The following PDGFRB variants were observed in gnomAD, a reference collection of about 807,000 sequenced individuals.
The protein encoded by PDGFRB is platelet derived growth factor receptor beta.
A neutral mutation model predicts 120.2 loss-of-function variants in PDGFRB; 42 were observed. The ratio of observed to expected loss-of-function variants is 0.35; its 90% CI spans 0.27 to 0.45. The LOEUF (loss-of-function observed/expected upper bound fraction) is 0.45. Ranked by LOEUF, PDGFRB falls within the 20% of genes least tolerant of loss-of-function variation. The pLI, the probability that PDGFRB is intolerant of heterozygous loss-of-function variation, is 1.00. For synonymous variants in PDGFRB, 586 were observed against 606.8 expected, an observed-to-expected ratio of 0.97 and a Z score of 0.50; for missense variants, 1,149 against 1,476.3, an observed-to-expected ratio of 0.78 and a Z score of 3.63.
intron 1 of PDGFRB, among the ~76,000 whole-genome samples, chr5:150,146,411 C>T (rs1281790604): frequency 6.6e-6 from 1 of 152,172 alleles, no homozygotes; most frequent in Non-Finnish European, 1.5e-5. Context: ...GAGGGGGGTA[C>T]ACTCATTATT....
At chr5:150,145,619 G>T (rs1387648528) in intron 1 of PDGFRB, among the ~76,000 whole-genome samples, 7 of 152,250 alleles carry the variant, frequency 4.6e-5, no homozygotes, top group African/African-American at 1.7e-4. Flanking sequence ...TGGGCAGACA[G>T]GCTCCAGAGC....
intron 1 of PDGFRB, among the ~76,000 whole-genome samples, chr5:150,144,050 C>T (rs897656027): frequency 9.1e-4 from 138 of 152,212 alleles, no homozygotes; most frequent in African/African-American, 3.3e-3. Flanking sequence ...TGGGGCCTGG[C>T]GTGTGCTCCC....
chr5:150,129,533 C>A (rs963469271), intron 10 of PDGFRB, among the ~76,000 whole-genome samples: 5 of 152,218 alleles, frequency 3.3e-5, no homozygotes, highest in African/African-American at 1.2e-4. Flanking sequence ...GAAGGATATT[C>A]ATATCCATGG....
chr5:150,143,612 G>C (rs1760839416), intron 1 of PDGFRB, among the ~76,000 whole-genome samples: 1 of 152,200 alleles, frequency 6.6e-6, no homozygotes, highest in East Asian at 1.9e-4. Flanking sequence ...CACAGCCTGG[G>C]CCTGGCGGCA....
Position 150,121,351 on chromosome 5 carries a change from A to G in PDGFRB, c.2345-29T>C, listed in dbSNP as rs778576133. 11 of 977,838 alleles carry G rather than the reference A, an allele frequency of 1.1e-5. No individual in the cohort carries two copies. The highest frequency in any genetic ancestry group is 1.3e-5 in the Non-Finnish European group (8 of 598,434). 60.6% of individuals were successfully genotyped at this position (977,838 alleles called of 1,614,324 possible). A position where few individuals can be genotyped will look rare whatever the true frequency, so the allele number is the denominator to read the frequency against. On this transcript the variant is annotated intron_variant, in intron 16 of 22. Transcript: ENST00000261799. This position sits in a 1 kb window ranked among gnomAD's most constrained non-coding sequence, Gnocchi z 4.1. ...GAGGAGAAGCAGAGGGTCACCTGCTATCTTATATCTCCTTCTGGCCCACAG... is the reference window on the plus strand; with the variant it reads ...GAGGAGAAGCAGAGGGTCACCTGCTGTCTTATATCTCCTTCTGGCCCACAG...
At chr5:150,118,640 A>C in intron 21 of PDGFRB, 107 bp downstream of exon 21, 1 of 761,046 alleles carries the variant, frequency 1.3e-6, no homozygotes, top group Non-Finnish European at 2.4e-6. Context: ...CAGAGAGGAC[A>C]AAGGGTGGTC....
In PDGFRB at chr5:150,130,676, G is replaced by A. The variant is rs763556406; in HGVS notation, c.1244-14C>T. Reference sequence around the variant, plus strand: ...CTCGGACAGGGACTGCATGGAGAGAGCACTGAGTTAGGAGGCGGGAGGGTC... The same window carrying A: ...CTCGGACAGGGACTGCATGGAGAGAACACTGAGTTAGGAGGCGGGAGGGTC... On this transcript the variant is annotated splice_polypyrimidine_tract_variant and intron_variant, in intron 8 of 22. Transcript: ENST00000261799. 2 of 1,612,436 alleles carry A rather than the reference G, an allele frequency of 1.2e-6. No individual in the cohort carries two copies. Among genetic ancestry groups the A allele is most frequent in the Non-Finnish European group, 1.7e-6 (2 of 1,179,614 alleles).
intron 22 of PDGFRB, 40 bp downstream of exon 22, chr5:150,117,578 A>C: frequency 9.3e-7 from 1 of 1,071,274 alleles, no homozygotes; most frequent in Non-Finnish European, 1.4e-6. Flanking sequence ...ACACACACAC[A>C]CTGTGCACAA....
In PDGFRB at chr5:150,129,839, G is replaced by C; in HGVS notation, c.1497C>G (p.His499Gln). ...AGCGCACCGACAGTGGCCGATCCAC[G>C]TGCTGCAGACGCAGTGTGCTCACCA... Reference protein sequence around the residue: ...FEVVSTLRLQHVDRPLSVRCT... With the variant: ...FEVVSTLRLQQVDRPLSVRCT... Residue 499 changes from histidine to glutamine, a missense_variant, in exon 10 of 23, where the codon CAC becomes CAG. This residue lies in a region of PDGFRB where 879 missense variants were observed against 1,108.6 expected (regional missense o/e 0.79). Transcript: ENST00000261799. 6.2e-7 allele frequency: 1 copy of C among 1,614,124 alleles called. No homozygotes were observed. Among genetic ancestry groups the C allele is most frequent in the Non-Finnish European group, 8.5e-7 (1 of 1,180,014 alleles).
At position 150,117,642 on chromosome 5, in the gene PDGFRB, A is replaced by G. The variant is rs1357545765; in HGVS notation, c.3113T>C (p.Leu1038Pro). Residue 1038 changes from leucine to proline, a missense_variant, in exon 22 of 23, where the codon CTG becomes CCG. Leu to Pro is a moderately conservative substitution (Grantham distance 98, BLOSUM62 -3). Around this residue, in one of 3 missense-constraint regions of PDGFRB, gnomAD observed 202 missense variants for 214.3 expected, o/e 0.94. Coordinates refer to ENST00000261799, the MANE Select transcript of PDGFRB (RefSeq NM_002609.4). ...PKPEVADEGP[L>P]EGSPSLASST... ...CCTGGCTAGGCTGGGGGAACCCTCCAGTGGGCCCTCGTCAGCAACCTCGGG... is the reference window on the plus strand; with the variant it reads ...CCTGGCTAGGCTGGGGGAACCCTCCGGTGGGCCCTCGTCAGCAACCTCGGG... 1.2e-6 allele frequency: 2 copies of G among 1,611,408 alleles called. No homozygotes were observed. The highest frequency in any genetic ancestry group is 1.7e-6 in the Non-Finnish European group (2 of 1,178,322).
chr5:150,147,092 A>T (rs1760944419), intron 1 of PDGFRB, among the ~76,000 whole-genome samples: 1 of 152,160 alleles, frequency 6.6e-6, no homozygotes, highest in Non-Finnish European at 1.5e-5. Context: ...TACAGCATCC[A>T]GGCAATCAGC....
intron 11 of PDGFRB, among the ~76,000 whole-genome samples, chr5:150,126,259 A>C (rs1367517523): frequency 6.6e-6 from 1 of 152,094 alleles, no homozygotes; most frequent in East Asian, 1.9e-4. Flanking sequence ...GGATGAGAGG[A>C]ATGGTGTCTC....
At chr5:150,143,795 C>G (rs1397523745) in intron 1 of PDGFRB, among the ~76,000 whole-genome samples, 2 of 152,088 alleles carry the variant, frequency 1.3e-5, no homozygotes. Context: ...CACCCGCCCC[C>G]TTCAATCCTA....
chr5:150,117,527 A>AGT lies in PDGFRB; in HGVS notation c.3137+90_3137+91insAC, dbSNP rs1554107222. On this transcript the variant is annotated intron_variant, in intron 22 of 22. Transcript: ENST00000261799. ...AACTTACCTCTGAGGCAAACCTGGC[A>AGT]GCGCGCGCGCGCGCGCGCACACACA... The AGT allele has an allele frequency of 5.2e-5, 29 of 557,398 alleles. No individual in the cohort carries two copies. The South Asian group carries it at 6.8e-4, about 13-fold the overall frequency. The allele number at this position is 557,398 out of a possible 1,614,324, so 34.5% of individuals were successfully genotyped here.
At chr5:150,128,452 T>C (rs1003559906) in intron 10 of PDGFRB, among the ~76,000 whole-genome samples, 1 of 152,248 alleles carries the variant, frequency 6.6e-6, no homozygotes, top group Non-Finnish European at 1.5e-5. Flanking sequence ...ACATGGCCTT[T>C]GGAGCCCTGC....
chr5:150,132,779 G>A lies in PDGFRB; in HGVS notation c.1098C>T (p.Ala366=), dbSNP rs757427652. Residue 366 remains alanine (A), a synonymous_variant, in exon 7 of 23, where the codon GCC becomes GCT. Coordinates refer to ENST00000261799, the MANE Select transcript of PDGFRB (RefSeq NM_002609.4). This position sits in a 1 kb window ranked among gnomAD's most constrained non-coding sequence, Gnocchi z 5.0. The part of the protein sequence containing the change: ...TLGDSSAGEI[A]LSTRNVSETR... ...TCTCCGACACGTTGCGCGTGGACAG[G>A]GCGATTTCGCCAGCGCTGGAGTCGC... 1.2e-6 allele frequency: 2 copies of A among 1,613,242 alleles called. No individual in the cohort carries two copies.
At chr5:150,130,765 G>A (rs1452124540) in intron 8 of PDGFRB, 103 bp from the exon 9 acceptor site, 8 of 984,522 alleles carry the variant, frequency 8.1e-6, no homozygotes, top group African/African-American at 1.6e-5. Flanking sequence ...TGGGGGAGGA[G>A]GGCTGTAGAC....
chr5:150,154,718 A>G (rs1761182975), intron 1 of PDGFRB, among the ~76,000 whole-genome samples: 1 of 152,208 alleles, frequency 6.6e-6, no homozygotes, highest in Non-Finnish European at 1.5e-5. Context: ...GAAATGGCCC[A>G]GTGGCTGACC....
At position 150,120,126 on chromosome 5, in the gene PDGFRB, G is replaced by A. The variant is rs1192375375; in HGVS notation, c.2587-3C>T. 7.2e-7 allele frequency: 1 copy of A among 1,395,852 alleles called. No homozygotes were observed. The highest frequency in any genetic ancestry group is 1.0e-6 in the Non-Finnish European group (1 of 980,036). The allele number at this position is 1,395,852 out of a possible 1,614,324, so 86.5% of individuals were successfully genotyped here. ...ATCCACTTTAAAGGCAAAAAGGTCTGTAGGGAGGTCAGGACAGGTGCTGAG... is the reference window on the plus strand; with the variant it reads ...ATCCACTTTAAAGGCAAAAAGGTCTATAGGGAGGTCAGGACAGGTGCTGAG... On this transcript the variant is annotated splice_polypyrimidine_tract_variant and splice_region_variant and intron_variant, in intron 18 of 22. Transcript: ENST00000261799. This position sits in a 1 kb window ranked among gnomAD's most constrained non-coding sequence, Gnocchi z 4.3.
Sources: allele counts gnomAD v4.1 joint callset (sites outside exome capture counted in the v4.1 genomes callset), GRCh38; gene constraint gnomAD v4.1.1; regional missense constraint gnomAD v4.1.1; non-coding constraint Gnocchi (gnomAD v3.1); transcripts MANE v1.5; gene names NCBI Gene and HGNC (gene_info 2026-07-23, HGNC 2026-07-21).